The following LUM variants were observed in gnomAD, a reference collection of about 807,000 sequenced individuals.
LUM encodes the protein lumican.
A neutral mutation model predicts 20.5 loss-of-function variants in LUM; 13 were observed. The observed-to-expected ratio is 0.63, with a 90% CI of 0.41 to 1.01. The LOEUF (loss-of-function observed/expected upper bound fraction) is 1.01, where lower values mean the gene tolerates loss of function less well. LUM is among the 50% of genes least tolerant of loss of function. LUM has a pLI of 0.00. For missense variants in LUM, 321 were observed against 391.1 expected, an observed-to-expected ratio of 0.82 and a Z score of 1.51; for synonymous variants, 173 against 151.5, an observed-to-expected ratio of 1.14 and a Z score of -1.04.
At chr12:91,105,453 G>A (rs1880010013) in intron 2 of LUM, among the ~76,000 whole-genome samples, 1 of 152,064 alleles carries the variant, frequency 6.6e-6, no homozygotes, top group African/African-American at 2.4e-5. Flanking sequence ...TCTCTGATTG[G>A]GCTAATGCTT....
At chr12:91,110,888 A>C (rs1225158384) in intron 1 of LUM, among the ~76,000 whole-genome samples, 1 of 152,178 alleles carries the variant, frequency 6.6e-6, no homozygotes, top group Non-Finnish European at 1.5e-5. Context: ...CCAAGAAACA[A>C]ATTTTTTAAA....
At position 91,108,482 on chromosome 12, in the gene LUM, G is replaced by T. The variant is rs746927123; in HGVS notation, c.498C>A (p.Leu166=). Reference sequence around the variant, plus strand: ...CATCCTCTTTCAGCCGATTGTGCTGGAGATGGATGAAGGTCAGGTTTACCA... The same window carrying T: ...CATCCTCTTTCAGCCGATTGTGCTGTAGATGGATGAAGGTCAGGTTTACCA... ...EGLVNLTFIH[L]QHNRLKEDAV... is the part of the protein sequence containing the mutation. The change falls in exon 2 of 3, where the codon CTC becomes CTA. Residue 166 remains leucine (L), a synonymous_variant. Coordinates refer to ENST00000266718, the MANE Select transcript of LUM (RefSeq NM_002345.4). The surrounding 1 kb of genome is among the most constrained non-coding windows in gnomAD (Gnocchi z 4.2). The T allele has an allele frequency of 2.0e-5, 32 of 1,613,938 alleles. No individual in the cohort carries two copies. The highest frequency in any genetic ancestry group is 1.5e-4 in the South Asian group (14 of 91,074).
chr12:91,106,710 A>AAAAAC (rs903087609), intron 2 of LUM, among the ~76,000 whole-genome samples: 6 of 150,986 alleles, frequency 4.0e-5, no homozygotes, highest in African/African-American at 1.5e-4. Context: ...AAAAAAAAAA[A>AAAAAC]AGATGTTAGA....
chr12:91,109,204 A>C (rs566345177), intron 1 of LUM, among the ~76,000 whole-genome samples: 1 of 152,286 alleles, frequency 6.6e-6, no homozygotes, highest in South Asian at 2.1e-4. Flanking sequence ...AGCAGCTTTC[A>C]GGTTAGATTG....
At chr12:91,107,119 C>G (rs1191713574) in intron 2 of LUM, among the ~76,000 whole-genome samples, 1 of 142,116 alleles carries the variant, frequency 7.0e-6, no homozygotes, top group East Asian at 2.0e-4. Flanking sequence ...TCACTCCAGT[C>G]TGGGCGACAG....
chr12:91,108,993 T>G lies in LUM; in HGVS notation c.-14A>C. On this transcript the variant is annotated 5_prime_UTR_variant, in exon 2 of 3. Coordinates refer to ENST00000266718, the MANE Select transcript of LUM (RefSeq NM_002345.4). This position sits in a 1 kb window ranked among gnomAD's most constrained non-coding sequence, Gnocchi z 4.2. ...ACTTAGACTCATTTTTGGCAAATGG[T>G]TTGAATCCTAAATAAAGATGAAACA... 2 of 1,606,092 alleles carry G rather than the reference T, an allele frequency of 1.2e-6. No homozygotes were observed. Among genetic ancestry groups the G allele is most frequent in the Non-Finnish European group, 1.7e-6 (2 of 1,174,582 alleles).
chr12:91,108,785 A>G lies in LUM; in HGVS notation c.195T>C (p.Pro65=), dbSNP rs1880136308. Residue 65 remains proline (P), a synonymous_variant, in exon 2 of 3, where the codon CCT becomes CCC. Coordinates refer to ENST00000266718, the MANE Select transcript of LUM (RefSeq NM_002345.4). The surrounding 1 kb of genome is among the most constrained non-coding windows in gnomAD (Gnocchi z 4.2). ...ELKLKSVPMV[P]PGIKYLYLRN... ...TAAGGTAAAGATACTTGATTCCAGG[A>G]GGCACCATTGGTACACTTTTCAATT... 1 of 1,613,924 alleles carries G rather than the reference A, an allele frequency of 6.2e-7. No individual in the cohort carries two copies. The highest frequency in any genetic ancestry group is 8.5e-7 in the Non-Finnish European group (1 of 1,179,964).
rs1197527028 is a variant in LUM, at chr12:91,108,979, TTTTTGGCAAATGG to T, written c.-13_-1del. On this transcript the variant is annotated 5_prime_UTR_variant, in exon 2 of 3. Coordinates refer to ENST00000266718, the MANE Select transcript of LUM (RefSeq NM_002345.4). This position sits in a 1 kb window ranked among gnomAD's most constrained non-coding sequence, Gnocchi z 4.2. ...AAGAGAGTAAATGCACTTAGACTCA[TTTTTGGCAAATGG>T]TTTGAATCCTAAATAAAGATGAAAC... is the stretch of plus-strand genomic sequence containing the variant. 6.2e-7 allele frequency: 1 copy of T among 1,611,112 alleles called. No individual in the cohort carries two copies. Among genetic ancestry groups the T allele is most frequent in the Admixed American group, 1.7e-5 (1 of 59,928 alleles).
Position 91,108,919 on chromosome 12 carries a change from A to G in LUM, c.61T>C (p.Tyr21His). ...ALIGGTSGQYYDYDFPLSIYG... is the reference protein window; with the variant it reads ...ALIGGTSGQYHDYDFPLSIYG... ...ATTGATAGGGGAAAATCATAATCAT[A>G]GTACTGGCCACTGGTACCACCAATC... Residue 21 changes from tyrosine to histidine, a missense_variant, in exon 2 of 3, where the codon TAT (tyrosine) becomes CAT (histidine). Transcript: ENST00000266718. This position sits in a 1 kb window ranked among gnomAD's most constrained non-coding sequence, Gnocchi z 4.2. 1 of 1,613,778 alleles carries G rather than the reference A, an allele frequency of 6.2e-7. No individual in the cohort carries two copies. The highest frequency in any genetic ancestry group is 8.5e-7 in the Non-Finnish European group (1 of 1,179,760).
At chr12:91,106,501 A>G (rs1178557453) in intron 2 of LUM, among the ~76,000 whole-genome samples, 1 of 152,064 alleles carries the variant, frequency 6.6e-6, no homozygotes, top group African/African-American at 2.4e-5. Context: ...ATTGGAATCT[A>G]TACTGCTTAA....
Position 91,108,022 on chromosome 12 carries a change from T to C in LUM, c.862+96A>G. On this transcript the variant is annotated intron_variant, in intron 2 of 2. Coordinates refer to ENST00000266718, the MANE Select transcript of LUM (RefSeq NM_002345.4). The surrounding 1 kb of genome is among the most constrained non-coding windows in gnomAD (Gnocchi z 4.2). ...GCCACAGCGCCCGGGCGACATTTTG[T>C]TTTTTTAATGGAGCCAGATGCAATA... The C allele has an allele frequency of 7.0e-7, 1 of 1,427,778 alleles. No individual in the cohort carries two copies. The highest frequency in any genetic ancestry group is 2.3e-5 in the East Asian group (1 of 43,886). The allele number at this position is 1,427,778 out of a possible 1,614,324, so 88.4% of individuals were successfully genotyped here.
At chr12:91,110,223 G>GAATATTAT (rs1880173062) in intron 1 of LUM, among the ~76,000 whole-genome samples, 1 of 152,122 alleles carries the variant, frequency 6.6e-6, no homozygotes, top group Non-Finnish European at 1.5e-5. Context: ...AGATAACTGA[G>GAATATTAT]AATATTATAT....
At chr12:91,106,865 CA>C (rs1484153941) in intron 2 of LUM, among the ~76,000 whole-genome samples, 1 of 151,818 alleles carries the variant, frequency 6.6e-6, no homozygotes, top group Non-Finnish European at 1.5e-5. Context: ...TAGTTGATGT[CA>C]GGGAAGACCA....
rs1880137279 is a variant in LUM, at chr12:91,108,821, A to T, written c.159T>A (p.Cys53Ter). The T allele has an allele frequency of 6.2e-7, 1 of 1,614,094 alleles. No individual in the cohort carries two copies. Among genetic ancestry groups the T allele is most frequent in the Non-Finnish European group, 8.5e-7 (1 of 1,180,008 alleles). Residue 53 changes from cysteine to a stop codon, truncating the protein, a stop_gained, in exon 2 of 3, where the codon TGT becomes TGA. Coordinates refer to ENST00000266718, the MANE Select transcript of LUM (RefSeq NM_002345.4). LOFTEE classifies it high-confidence loss of function. This position sits in a 1 kb window ranked among gnomAD's most constrained non-coding sequence, Gnocchi z 4.2. ...CPESYPSAMYCDELKLKSVPM... is the reference protein window; with the variant it reads ...CPESYPSAMY The stretch of plus-strand genomic sequence containing the variant: ...GTACACTTTTCAATTTCAGCTCATC[A>T]CAGTACATGGCACTTGGGTAGCTTT...
chr12:91,107,313 GAAAGAA>G (rs1565758523), intron 2 of LUM, among the ~76,000 whole-genome samples: 5 of 115,378 alleles, frequency 4.3e-5, no homozygotes, highest in African/African-American at 1.0e-4. Context: ...AAGAAAGAAA[GAAAGAA>G]AGAAAGAAAG....
intron 1 of LUM, among the ~76,000 whole-genome samples, chr12:91,110,648 T>C (rs76430523): frequency 0.011 from 1,675 of 152,298 alleles, 27 homozygotes; most frequent in African/African-American, 0.039. Context: ...AACTATAATG[T>C]GAGTATTAAA....
At chr12:91,106,637 A>AGG (rs1352275371) in intron 2 of LUM, among the ~76,000 whole-genome samples, 1 of 138,930 alleles carries the variant, frequency 7.2e-6, no homozygotes, top group Non-Finnish European at 1.5e-5. Flanking sequence ...ATATCAAATG[A>AGG]GGGGCAGGAT....
intron 2 of LUM, among the ~76,000 whole-genome samples, chr12:91,107,436 T>C (rs1420031709): frequency 6.6e-6 from 1 of 152,070 alleles, no homozygotes; most frequent in East Asian, 1.9e-4. Context: ...GTTTGCCAAC[T>C]GTGCCACTTT....
chr12:91,106,182 C>A (rs1237174050), intron 2 of LUM, among the ~76,000 whole-genome samples: 2 of 152,112 alleles, frequency 1.3e-5, no homozygotes, highest in Non-Finnish European at 2.9e-5. Flanking sequence ...AAACGTTTAA[C>A]CCTACTAGAG....
Sources: allele counts gnomAD v4.1 joint callset (sites outside exome capture counted in the v4.1 genomes callset), GRCh38; gene constraint gnomAD v4.1.1; non-coding constraint Gnocchi (gnomAD v3.1); transcripts MANE v1.5; gene names NCBI Gene and HGNC (gene_info 2026-07-23, HGNC 2026-07-21).